Variants in TMPRSS11F observed in about 807,000 individuals in gnomAD.
TMPRSS11F encodes the protein transmembrane serine protease 11F.
Under a neutral mutation model 60.2 loss-of-function variants are expected in TMPRSS11F, and 47 were observed. That is an observed-to-expected ratio of 0.78 (90% CI 0.62 to 1.00). The LOEUF is 1.00. Among genes scored for constraint, TMPRSS11F ranks in the 50% least tolerant of loss-of-function variants. The probability of loss-of-function intolerance (pLI) is 0.00; values close to 1 mark genes in which losing one functional copy is unlikely to be tolerated. For missense variants in TMPRSS11F, 519 were observed against 522.9 expected (o/e 0.99, Z 0.07); for synonymous variants, 166 against 167.3 (o/e 0.99, Z 0.06).
intron 1 of TMPRSS11F, among the ~76,000 whole-genome samples, chr4:68,120,640 G>C (rs1174743174): frequency 6.6e-6 from 1 of 151,844 alleles, no homozygotes; most frequent in Non-Finnish European, 1.5e-5. Flanking sequence ...CGCCCGCCTC[G>C]GCCTCCCAAA....
At position 68,123,482 on chromosome 4, in the gene TMPRSS11F, A is replaced by G. The variant is rs1307349319; in HGVS notation, c.11+6328T>C. Among the ~76,000 whole-genome samples, 4 of 152,222 alleles carry G rather than the reference A, an allele frequency of 2.6e-5. No homozygotes were observed. In the South Asian group the frequency reaches 6.2e-4, roughly 24 times the overall value. On this transcript the variant is annotated intron_variant, in intron 1 of 9. Transcript: ENST00000356291. Reference sequence around the variant, plus strand: ...GATAATATCCGAAGAGCCCAACCACAATATCCCATGAGTTAATATTTTTTA... The same window carrying G: ...GATAATATCCGAAGAGCCCAACCACGATATCCCATGAGTTAATATTTTTTA...
At chr4:68,057,110 C>A (rs769049348) in intron 9 of TMPRSS11F, among the ~76,000 whole-genome samples, 81 of 151,914 alleles carry the variant, frequency 5.3e-4, no homozygotes, top group Non-Finnish European at 1.1e-3. Context: ...CATGGAGAAA[C>A]CTCATCTTTA....
At chr4:68,129,456 T>A (rs1403159564) in intron 1 of TMPRSS11F, among the ~76,000 whole-genome samples, 1 of 152,102 alleles carries the variant, frequency 6.6e-6, no homozygotes, top group East Asian at 1.9e-4. Flanking sequence ...TAAAAATGTA[T>A]ACCATGCTAT....
intron 7 of TMPRSS11F, among the ~76,000 whole-genome samples, chr4:68,067,007 C>T (rs187822288): frequency 6.6e-6 from 1 of 151,856 alleles, no homozygotes; most frequent in African/African-American, 2.4e-5. Flanking sequence ...TTTTCCTTCA[C>T]AACAGTATAC....
intron 1 of TMPRSS11F, among the ~76,000 whole-genome samples, chr4:68,123,337 C>T (rs1724657446): frequency 6.6e-6 from 1 of 152,054 alleles, no homozygotes; most frequent in Admixed American, 6.6e-5. Context: ...AAATCATGAA[C>T]GTCAAGAAAT....
intron 3 of TMPRSS11F, among the ~76,000 whole-genome samples, chr4:68,078,797 T>C (rs1723637266): frequency 6.6e-6 from 1 of 152,142 alleles, no homozygotes; most frequent in Non-Finnish European, 1.5e-5. Flanking sequence ...TTCTGAGTCA[T>C]GACACTTACA....
intron 2 of TMPRSS11F, among the ~76,000 whole-genome samples, chr4:68,096,577 C>T (rs10021189): frequency 0.34 from 51,627 of 151,844 alleles, 9,202 homozygotes; most frequent in East Asian, 0.49. Flanking sequence ...TCCTGTGATC[C>T]CTGGCTGAAG....
intron 3 of TMPRSS11F, among the ~76,000 whole-genome samples, chr4:68,086,377 T>G (rs1159042798): frequency 6.6e-6 from 1 of 152,142 alleles, no homozygotes. Flanking sequence ...GCTAAAGCAG[T>G]GTTAAGAGGA....
intron 3 of TMPRSS11F, chr4:68,080,695 C>T (rs1190144052): frequency 6.6e-6 from 1 of 152,210 alleles, no homozygotes. Context: ...TAGCTTCTTC[C>T]TTTGCCCTTT....
intron 4 of TMPRSS11F, among the ~76,000 whole-genome samples, 183 bp downstream of exon 4, chr4:68,073,759 G>T (rs1270178230): frequency 2.0e-5 from 3 of 152,062 alleles, no homozygotes; most frequent in Non-Finnish European, 2.9e-5. Flanking sequence ...AGATTTTCTT[G>T]TCACAAAGCA....
In TMPRSS11F at chr4:68,053,845, C is replaced by A; in HGVS notation, c.*64G>T. On this transcript the variant is annotated 3_prime_UTR_variant, in exon 10 of 10. Coordinates refer to ENST00000356291, the MANE Select transcript of TMPRSS11F (RefSeq NM_207407.2). Reference sequence around the variant, plus strand: ...CTAATCCAAAGTAAATGAATTTAAACAATACAAAATACGCAGGAGTATCAG... The same window carrying A: ...CTAATCCAAAGTAAATGAATTTAAAAAATACAAAATACGCAGGAGTATCAG... 6.8e-7 allele frequency: 1 copy of A among 1,475,122 alleles called. No homozygotes were observed. The highest frequency in any genetic ancestry group is 9.3e-7 in the Non-Finnish European group (1 of 1,078,246). 91.4% of individuals were successfully genotyped at this position (1,475,122 alleles called of 1,614,324 possible). A position where few individuals can be genotyped will look rare whatever the true frequency, so the allele number is the denominator to read the frequency against.
chr4:68,053,913 A>G lies in TMPRSS11F; in HGVS notation c.1313T>C (p.Met438Thr). Residue 438 changes from methionine (M) to threonine (T), a missense_variant, in exon 10 of 10, where the codon ATG becomes ACG. By Grantham distance (81) the Met-to-Thr change is moderately conservative. Coordinates refer to ENST00000356291, the MANE Select transcript of TMPRSS11F (RefSeq NM_207407.2). ...ATAACTCATGGGCAATCCACACTAC[A>G]TACCAGTCTTTGAGGCAATCCAATC... Reference protein sequence around the residue: ...YRDWIASKTGM With the variant: ...YRDWIASKTGT The G allele has an allele frequency of 6.2e-7, 1 of 1,613,206 alleles. No individual in the cohort carries two copies. Among genetic ancestry groups the G allele is most frequent in the Admixed American group, 1.7e-5 (1 of 59,974 alleles).
intron 1 of TMPRSS11F, among the ~76,000 whole-genome samples, chr4:68,115,655 G>GT (rs1724503748): frequency 6.6e-6 from 1 of 152,020 alleles, no homozygotes; most frequent in African/African-American, 2.4e-5. Flanking sequence ...AGACTAATAC[G>GT]TAAGTTTACA....
rs754193530 is a variant in TMPRSS11F at position 68,054,038 on chromosome 4, A to T, written c.1188T>A (p.Asp396Glu). 7.4e-6 allele frequency: 12 copies of T among 1,613,172 alleles called. No homozygotes were observed. Among genetic ancestry groups the T allele is most frequent in the South Asian group, 2.2e-5 (2 of 91,014 alleles). The change falls in exon 10 of 10, where the codon GAT becomes GAA. Residue 396 changes from aspartate (D) to glutamate (E), a missense_variant. Asp to Glu is a conservative substitution (Grantham distance 45). Coordinates refer to ENST00000356291, the MANE Select transcript of TMPRSS11F (RefSeq NM_207407.2). ...KGDSGGPLVY[D>E]NHDIWYIVGI... Reference sequence around the variant, plus strand: ...CTACAATGTACCAGATGTCATGATTATCATAAACCAGAGGTCCACCAGAAT... The same window carrying T: ...CTACAATGTACCAGATGTCATGATTTTCATAAACCAGAGGTCCACCAGAAT...
Position 68,054,147 on chromosome 4 carries a change from A to G in TMPRSS11F, c.1159-80T>C, listed in dbSNP as rs570428568. The G allele has an allele frequency of 5.9e-6, 8 of 1,350,406 alleles. No individual in the cohort carries two copies. The African/African-American group carries it at 1.2e-4, about 20-fold the overall frequency. The allele number at this position is 1,350,406 out of a possible 1,614,324, so 83.7% of individuals were successfully genotyped here. A position where few individuals can be genotyped will look rare whatever the true frequency, so the allele number is the denominator to read the frequency against. The stretch of plus-strand genomic sequence containing the variant: ...TATTGTAATCTGACGTTCACAGAGA[A>G]AAAAGGAAATTGGTACACAGACCAC... On this transcript the variant is annotated intron_variant, in intron 9 of 9. Transcript: ENST00000356291.
At position 68,072,451 on chromosome 4, in the gene TMPRSS11F, A is replaced by G. The variant is rs1723500508; in HGVS notation, c.386T>C (p.Leu129Pro). 6.3e-7 allele frequency: 1 copy of G among 1,591,020 alleles called. No individual in the cohort carries two copies. The highest frequency in any genetic ancestry group is 1.3e-5 in the African/African-American group (1 of 74,564). Residue 129 changes from leucine (L) to proline (P), a missense_variant, in exon 5 of 10, where the codon CTC becomes CCC. Coordinates refer to ENST00000356291, the MANE Select transcript of TMPRSS11F (RefSeq NM_207407.2). ...ATCAGTAGATGGGTATCGAAATATG[A>G]GCACTATAAGAATATCCACACCTTG... Reference protein sequence around the residue: ...DEQGVDILIVLIFRYPSTDSA... With the variant: ...DEQGVDILIVPIFRYPSTDSA...
At chr4:68,074,037 T>G in intron 3 of TMPRSS11F, 28 bp from the exon 4 acceptor site, 1 of 1,327,020 alleles carries the variant, frequency 7.5e-7, no homozygotes, top group Non-Finnish European at 1.0e-6. Flanking sequence ...AGTATTAGTC[T>G]TCAGAACTTA....
At chr4:68,117,493 A>C (rs1190840876) in intron 1 of TMPRSS11F, among the ~76,000 whole-genome samples, 1 of 150,662 alleles carries the variant, frequency 6.6e-6, no homozygotes, top group Non-Finnish European at 1.5e-5. Context: ...AAAAAAAAAA[A>C]AATGGACAAA....
Position 68,072,455 on chromosome 4 carries a change from C to T in TMPRSS11F, c.382G>A (p.Val128Met), listed in dbSNP as rs768055618. The T allele has an allele frequency of 6.3e-7, 1 of 1,583,500 alleles. No individual in the cohort carries two copies. The highest frequency in any genetic ancestry group is 8.6e-7 in the Non-Finnish European group (1 of 1,162,842). ...GTAGATGGGTATCGAAATATGAGCA[C>T]TATAAGAATATCCACACCTTGTTCA... Reference protein sequence around the residue: ...PDEQGVDILIVLIFRYPSTDS... With the variant: ...PDEQGVDILIMLIFRYPSTDS... Residue 128 changes from valine to methionine, a missense_variant, in exon 5 of 10, where the codon GTG becomes ATG. Physicochemically the swap from Val to Met is conservative, Grantham distance 21 (BLOSUM62 1). Transcript: ENST00000356291.
Sources: gnomAD v4.1 joint callset for allele counts (sites outside exome capture counted in the v4.1 genomes callset) on GRCh38, gnomAD v4.1.1 for gene constraint, MANE v1.5 for transcripts, NCBI Gene and HGNC (gene_info 2026-07-23, HGNC 2026-07-21) for gene names.